RIMS1: variants seen among roughly 807,000 people sequenced by gnomAD.
RIMS1 encodes regulating synaptic membrane exocytosis protein 1.
RIMS1 carries 83 observed loss-of-function variants against 214.1 expected under a neutral mutation model. The ratio of observed to expected loss-of-function variants is 0.39; its 90% CI spans 0.32 to 0.47. RIMS1 has a LOEUF of 0.47. Among genes scored for constraint, RIMS1 ranks in the 20% least tolerant of loss-of-function variants. The pLI is 0.99. For synonymous variants in RIMS1, 793 were observed against 786.8 expected (o/e 1.01, Z -0.13); for missense variants, 2,050 against 2,161.8 (o/e 0.95, Z 1.03).
At chr6:72,267,699 T>C (rs190198978) in intron 22 of RIMS1, among the ~76,000 whole-genome samples, 15 of 152,252 alleles carry the variant, frequency 9.9e-5, no homozygotes, top group Admixed American at 3.9e-4. Flanking sequence ...TCTATTCTTA[T>C]GGTGAGCCTG....
At chr6:71,998,178 T>C (rs502046) in intron 2 of RIMS1, among the ~76,000 whole-genome samples, 67,698 of 151,966 alleles carry the variant, frequency 0.45, 15,746 homozygotes, top group Non-Finnish European at 0.51. Context: ...GGAACATTTA[T>C]CTACTTTATG....
At chr6:72,362,406 A>C (rs1404015648) in intron 29 of RIMS1, among the ~76,000 whole-genome samples, 1 of 152,210 alleles carries the variant, frequency 6.6e-6, no homozygotes, top group East Asian at 1.9e-4. Flanking sequence ...TATTTTACTT[A>C]CCAGAGACAG....
rs1000164402 is a variant in RIMS1, at chr6:72,096,567, T to C, written c.246-382T>C. 3.3e-5 allele frequency among the ~76,000 whole-genome samples: 5 copies of C among 152,360 alleles called. No individual in the cohort carries two copies. In the East Asian group the frequency reaches 7.7e-4, roughly 23 times the overall value. ...ACATCATATGTATTTAGGCTAAATA[T>C]TTTGTGTAATTTTTGTTTCAGTTAT... On this transcript the variant is annotated intron_variant, in intron 2 of 33. Transcript: ENST00000521978.
intron 2 of RIMS1, among the ~76,000 whole-genome samples, chr6:72,086,014 G>A (rs1834574930): frequency 6.6e-6 from 1 of 152,096 alleles, no homozygotes; most frequent in Non-Finnish European, 1.5e-5. Flanking sequence ...AGTTTCTCCT[G>A]TGTCTATATT....
At chr6:72,196,528 C>T (rs2050961270) in intron 6 of RIMS1, among the ~76,000 whole-genome samples, 2 of 142,204 alleles carry the variant, frequency 1.4e-5, no homozygotes, top group Admixed American at 1.5e-4. Context: ...ACAATTACAA[C>T]TTAACCCATT....
chr6:72,196,534 C>T (rs117692368), intron 6 of RIMS1, among the ~76,000 whole-genome samples: 4 of 149,468 alleles, frequency 2.7e-5, no homozygotes, highest in Non-Finnish European at 5.9e-5. Flanking sequence ...ACAACTTAAC[C>T]CATTTCCCGT....
chr6:72,203,475 T>G lies in RIMS1; in HGVS notation c.1678+20326T>G, dbSNP rs1054850132. ...GGAAAGACAAGCATACACACTGTTC[T>G]AGGAAGAATAAGCTTATAGACCTGT... is the stretch of plus-strand genomic sequence containing the variant. On this transcript the variant is annotated intron_variant, in intron 6 of 33. Coordinates refer to ENST00000521978, the MANE Select transcript of RIMS1 (RefSeq NM_014989.7). Among the ~76,000 whole-genome samples, 21 of 152,242 alleles carry G rather than the reference T, an allele frequency of 1.4e-4. 1 individual carries two copies. Among genetic ancestry groups the G allele is most frequent in the African/African-American group, 5.1e-4 (21 of 41,546 alleles).
intron 2 of RIMS1, among the ~76,000 whole-genome samples, chr6:72,023,123 G>GA (rs1168985521): frequency 5.9e-5 from 9 of 151,930 alleles, no homozygotes; most frequent in Non-Finnish European, 2.9e-5. Context: ...TTCAACAAAG[G>GA]AAAAAAATAG....
chr6:72,007,440 G>T (rs1259048692), intron 2 of RIMS1, among the ~76,000 whole-genome samples: 4 of 152,210 alleles, frequency 2.6e-5, no homozygotes, highest in African/African-American at 9.7e-5. Context: ...AAGGAATGCA[G>T]CTCCTCACCA....
intron 6 of RIMS1, among the ~76,000 whole-genome samples, chr6:72,191,232 C>A (rs748322533): frequency 2.6e-5 from 4 of 152,178 alleles, no homozygotes; most frequent in Non-Finnish European, 4.4e-5. Flanking sequence ...CCTCCAAAAT[C>A]CAAATAGGCC....
intron 4 of RIMS1, among the ~76,000 whole-genome samples, chr6:72,165,100 A>C (rs551191861): frequency 1.3e-5 from 2 of 151,778 alleles, no homozygotes; most frequent in East Asian, 3.9e-4. Flanking sequence ...TATATTAAAT[A>C]TTTTTTTCCA....
At chr6:72,189,111 C>T (rs892347389) in intron 6 of RIMS1, among the ~76,000 whole-genome samples, 1 of 152,128 alleles carries the variant, frequency 6.6e-6, no homozygotes, top group Non-Finnish European at 1.5e-5. Context: ...GTGAGTGTTG[C>T]CACTTCCACT....
intron 29 of RIMS1, among the ~76,000 whole-genome samples, chr6:72,344,709 T>C (rs1467173823): frequency 6.6e-6 from 1 of 151,798 alleles, no homozygotes; most frequent in East Asian, 1.9e-4. Flanking sequence ...CTGTCTGCCT[T>C]AGGAATTCAC....
intron 2 of RIMS1, among the ~76,000 whole-genome samples, chr6:72,080,946 A>G (rs1270635990): frequency 6.6e-6 from 1 of 152,210 alleles, no homozygotes; most frequent in Non-Finnish European, 1.5e-5. Flanking sequence ...AGTAGCTACA[A>G]TGTTTTCAAT....
chr6:71,890,598 C>CAA (rs1582891967), intron 1 of RIMS1, among the ~76,000 whole-genome samples: 7 of 53,498 alleles, frequency 1.3e-4, no homozygotes, highest in Non-Finnish European at 1.9e-4. Flanking sequence ...AAAAAAAAAA[C>CAA]TTCATAGAGA....
chr6:72,114,259 G>C (rs1400308982), intron 4 of RIMS1, among the ~76,000 whole-genome samples: 1 of 151,948 alleles, frequency 6.6e-6, no homozygotes, highest in Non-Finnish European at 1.5e-5. Flanking sequence ...TGTGTACAGA[G>C]TAGTTTCTAA....
chr6:71,890,494 C>T (rs1030780638), intron 1 of RIMS1, among the ~76,000 whole-genome samples: 1 of 113,112 alleles, frequency 8.8e-6, no homozygotes, highest in Non-Finnish European at 1.8e-5. Flanking sequence ...CAATATATTA[C>T]ATAGGCTGAA....
intron 28 of RIMS1, among the ~76,000 whole-genome samples, chr6:72,318,014 C>A (rs1311739762): frequency 6.6e-6 from 1 of 151,964 alleles, no homozygotes. Context: ...GTTTTAAAGT[C>A]AGTTTTTCTT....
intron 2 of RIMS1, among the ~76,000 whole-genome samples, chr6:72,021,244 T>C (rs1239865854): frequency 1.3e-5 from 2 of 152,224 alleles, no homozygotes; most frequent in African/African-American, 4.8e-5. Context: ...TGTGTTTCCT[T>C]CTGTTGAAAT....
Sources: allele counts gnomAD v4.1 joint callset (sites outside exome capture counted in the v4.1 genomes callset), GRCh38; gene constraint gnomAD v4.1.1; transcripts MANE v1.5; gene names NCBI Gene and HGNC (gene_info 2026-07-23, HGNC 2026-07-21).